SND1: variants seen among roughly 807,000 people sequenced by gnomAD.
SND1 encodes the protein staphylococcal nuclease domain-containing protein 1.
In SND1, 38 loss-of-function variants were observed where a neutral mutation model predicts 121.7. That is an observed-to-expected ratio of 0.31 (90% CI 0.24 to 0.41). The LOEUF is 0.41. Among genes scored for constraint, SND1 ranks in the 10% least tolerant of loss-of-function variants. SND1 has a pLI of 1.00. For missense variants in SND1, 868 were observed against 1,184.6 expected, an observed-to-expected ratio of 0.73 and a Z score of 3.92; for synonymous variants, 401 against 447.4, an observed-to-expected ratio of 0.90 and a Z score of 1.31.
At chr7:127,902,056 T>A (rs1469764033) in intron 13 of SND1, among the ~76,000 whole-genome samples, 1 of 152,210 alleles carries the variant, frequency 6.6e-6, no homozygotes, top group Non-Finnish European at 1.5e-5. Context: ...AGATTTCTGC[T>A]TATAGCACAG....
At chr7:127,940,135 G>C (rs553986383) in intron 15 of SND1, among the ~76,000 whole-genome samples, 2 of 152,128 alleles carry the variant, frequency 1.3e-5, no homozygotes, top group South Asian at 4.2e-4. Flanking sequence ...TGTCTGGCTT[G>C]CCTTCCACCT....
rs76058497 is a variant in SND1, at chr7:127,925,885, G to A, written c.1528-3303G>A. 3.3e-3 allele frequency among the ~76,000 whole-genome samples: 499 copies of A among 151,390 alleles called. 4 individuals are homozygous for A. The highest frequency in any genetic ancestry group is 0.012 in the African/African-American group (476 of 41,330). On this transcript the variant is annotated intron_variant, in intron 14 of 23. Coordinates refer to ENST00000354725, the MANE Select transcript of SND1 (RefSeq NM_014390.4). ...GCTGGGATTACAGCCGTGAGCCATC[G>A]CGCCCGGCCAGGTCTTTTTTTCTTT...
intron 16 of SND1, among the ~76,000 whole-genome samples, chr7:128,026,483 G>C (rs1350330147): frequency 6.6e-6 from 1 of 152,198 alleles, no homozygotes; most frequent in Non-Finnish European, 1.5e-5. Flanking sequence ...CCCTGCATTA[G>C]TATAAATACT....
At chr7:127,843,559 T>C (rs866686124) in intron 11 of SND1, among the ~76,000 whole-genome samples, 1 of 152,220 alleles carries the variant, frequency 6.6e-6, no homozygotes, top group Admixed American at 6.5e-5. Flanking sequence ...CCATGTCTTT[T>C]CATGGCTTGA....
chr7:127,694,281 C>T (rs1301836543), intron 2 of SND1, among the ~76,000 whole-genome samples: 1 of 152,168 alleles, frequency 6.6e-6, no homozygotes, highest in Non-Finnish European at 1.5e-5. Context: ...TCATGTCCCT[C>T]CTCCAACAAT....
At chr7:128,061,214 C>G (rs1321539127) in intron 16 of SND1, among the ~76,000 whole-genome samples, 1 of 152,152 alleles carries the variant, frequency 6.6e-6, no homozygotes, top group East Asian at 1.9e-4. Context: ...TTAATGAAAC[C>G]CTGGCTCCTG....
chr7:127,974,438 G>C (rs1171129283), intron 15 of SND1, among the ~76,000 whole-genome samples: 1 of 152,156 alleles, frequency 6.6e-6, no homozygotes, highest in African/African-American at 2.4e-5. Context: ...CTTGCTGGGG[G>C]GTTGGCCTGG....
chr7:128,031,188 C>A (rs919376795), intron 16 of SND1: 1 of 152,328 alleles, frequency 6.6e-6, no homozygotes, highest in Non-Finnish European at 1.5e-5. Context: ...TGCATGCCCC[C>A]CCCTCCGCCC....
intron 16 of SND1, among the ~76,000 whole-genome samples, chr7:127,993,283 T>A (rs1802561809): frequency 6.6e-6 from 1 of 152,238 alleles, no homozygotes; most frequent in Non-Finnish European, 1.5e-5. Context: ...TTCATTTACT[T>A]TTACCTATGT....
chr7:127,807,532 G>A lies in SND1; in HGVS notation c.1201G>A (p.Glu401Lys). ...RPLYDIPYMF[E>K]AREFLRKKLI... ...CCTGTATGACATTCCTTACATGTTT[G>A]AGGCCCGGGAATTTCTTCGAAAAAA... Residue 401 changes from glutamate to lysine, a missense_variant, in exon 11 of 24, where the codon GAG becomes AAG. Physicochemically the swap from Glu to Lys is moderately conservative, Grantham distance 56 (BLOSUM62 1). Coordinates refer to ENST00000354725, the MANE Select transcript of SND1 (RefSeq NM_014390.4). The A allele has an allele frequency of 6.2e-7, 1 of 1,614,044 alleles. No homozygotes were observed. The highest frequency in any genetic ancestry group is 8.5e-7 in the Non-Finnish European group (1 of 1,179,940).
intron 10 of SND1, among the ~76,000 whole-genome samples, chr7:127,792,850 G>A (rs755615209): frequency 1.3e-5 from 2 of 152,154 alleles, no homozygotes; most frequent in African/African-American, 4.8e-5. Context: ...CCATTGCTGG[G>A]AGGAAGAAGT....
intron 11 of SND1, among the ~76,000 whole-genome samples, chr7:127,830,834 T>C (rs1798725597): frequency 6.6e-6 from 1 of 152,158 alleles, no homozygotes. Flanking sequence ...GTTTGCTGTC[T>C]AGGAGTAGAT....
intron 15 of SND1, among the ~76,000 whole-genome samples, chr7:127,941,602 A>G (rs1801202723): frequency 6.6e-6 from 1 of 152,170 alleles, no homozygotes. Flanking sequence ...AAATTGGAAC[A>G]TGGTGTCTGT....
intron 20 of SND1, 159 bp from the exon 21 acceptor site, chr7:128,086,779 C>A (rs1208581772): frequency 3.0e-6 from 2 of 673,988 alleles, no homozygotes; most frequent in Non-Finnish European, 5.4e-6. Flanking sequence ...GCTTCACCCA[C>A]TGGGGAGCCT....
At chr7:127,780,806 AC>A (rs1364630066) in intron 10 of SND1, among the ~76,000 whole-genome samples, 1 of 152,260 alleles carries the variant, frequency 6.6e-6, no homozygotes, top group Non-Finnish European at 1.5e-5. Flanking sequence ...CATTTAGAGC[AC>A]CAGGCAGTCT....
chr7:128,035,306 G>T (rs1299243590), intron 16 of SND1, among the ~76,000 whole-genome samples: 2 of 152,208 alleles, frequency 1.3e-5, no homozygotes. Context: ...CTCTGTGAAG[G>T]TTGATCCTTT....
intron 16 of SND1, chr7:128,030,959 C>T (rs1240501717): frequency 8.8e-6 from 2 of 227,936 alleles, no homozygotes; most frequent in Non-Finnish European, 1.7e-5. Context: ...CTTAAGCTTT[C>T]TCCACGGGAG....
intron 16 of SND1, among the ~76,000 whole-genome samples, chr7:128,010,265 TG>T (rs1159079821): frequency 6.6e-6 from 1 of 152,242 alleles, no homozygotes; most frequent in Non-Finnish European, 1.5e-5. Context: ...GCACTACACC[TG>T]TAATCAGAAA....
At chr7:127,855,275 C>G (rs1299750356) in intron 12 of SND1, among the ~76,000 whole-genome samples, 1 of 151,950 alleles carries the variant, frequency 6.6e-6, no homozygotes, top group African/African-American at 2.4e-5. Flanking sequence ...GAATGCCACC[C>G]CACCTGGCTA....
Sources: allele counts gnomAD v4.1 joint callset (sites outside exome capture counted in the v4.1 genomes callset), GRCh38; gene constraint gnomAD v4.1.1; transcripts MANE v1.5; gene names NCBI Gene and HGNC (gene_info 2026-07-23, HGNC 2026-07-21).